SNCAIP: variants seen among roughly 807,000 people sequenced by gnomAD.
SNCAIP encodes synphilin-1.
SNCAIP carries 43 observed loss-of-function variants against 86.7 expected under a neutral mutation model. That is an observed-to-expected ratio of 0.50 (90% confidence interval 0.39 to 0.64). The LOEUF is 0.64. Ranked by LOEUF, SNCAIP falls within the 30% of genes least tolerant of loss-of-function variation. The pLI, the probability that SNCAIP is intolerant of heterozygous loss-of-function variation, is 0.00. For missense variants in SNCAIP, 981 were observed against 1,103.1 expected, an observed-to-expected ratio of 0.89 and a Z score of 1.57; for synonymous variants, 417 against 427.2, an observed-to-expected ratio of 0.98 and a Z score of 0.29.
chr5:122,340,929 A>G (rs1757448344), intron 1 of SNCAIP, among the ~76,000 whole-genome samples: 1 of 152,216 alleles, frequency 6.6e-6, no homozygotes. Flanking sequence ...ATAAATTAGC[A>G]TTAGTACCTT....
intron 1 of SNCAIP, among the ~76,000 whole-genome samples, chr5:122,387,112 C>T (rs890347854): frequency 6.6e-6 from 1 of 152,018 alleles, no homozygotes; most frequent in Admixed American, 6.5e-5. Flanking sequence ...CCAAAAGGGG[C>T]CTATGATGCA....
intron 10 of SNCAIP, among the ~76,000 whole-genome samples, chr5:122,452,670 C>G (rs56069869): frequency 0.013 from 1,929 of 152,210 alleles, 15 homozygotes; most frequent in Middle Eastern, 0.041. Flanking sequence ...TACTCGTGCC[C>G]AAAACACCAG....
chr5:122,451,744 C>T, intron 10 of SNCAIP, 143 bp downstream of exon 10: 1 of 646,632 alleles, frequency 1.5e-6, no homozygotes, highest in Non-Finnish European at 2.7e-6. Flanking sequence ...AAGCCAACTT[C>T]ATGTGTCTAA....
At chr5:122,329,214 T>C (rs908032745) in intron 1 of SNCAIP, among the ~76,000 whole-genome samples, 4 of 150,836 alleles carry the variant, frequency 2.7e-5, no homozygotes, top group Admixed American at 2.6e-4. Context: ...ATACATTATT[T>C]CCTTTAAAGG....
In SNCAIP at chr5:122,423,374, G is replaced by A. The variant is rs201152226; in HGVS notation, c.637G>A (p.Val213Met). Residue 213 changes from valine to methionine, a missense_variant, in exon 4 of 11, where the codon GTG becomes ATG. Transcript: ENST00000261368. ...GGCACCATTTTGTGTTCTTTCTCCC[G>A]TGAAAAGCCCTCACTTGAGAAAAGC... ...NMAPFCVLSP[V>M]KSPHLRKASA... The A allele has an allele frequency of 5.7e-5, 92 of 1,613,386 alleles. No homozygotes were observed. Among genetic ancestry groups the A allele is most frequent in the East Asian group, 4.5e-4 (20 of 44,890 alleles).
chr5:122,447,441 T>C (rs1032381540), intron 8 of SNCAIP, among the ~76,000 whole-genome samples: 4 of 152,206 alleles, frequency 2.6e-5, no homozygotes, highest in Non-Finnish European at 5.9e-5. Context: ...GAGAGTAGTC[T>C]TCCTTCTCCA....
At chr5:122,418,512 T>C (rs1464050913) in intron 3 of SNCAIP, among the ~76,000 whole-genome samples, 1 of 152,232 alleles carries the variant, frequency 6.6e-6, no homozygotes, top group Non-Finnish European at 1.5e-5. Context: ...AAGTTCATCA[T>C]TAAAATGAAT....
intron 2 of SNCAIP, among the ~76,000 whole-genome samples, chr5:122,392,399 ACTCTCT>A (rs142215304): frequency 2.8e-5 from 4 of 144,960 alleles, no homozygotes; most frequent in Non-Finnish European, 6.1e-5. Flanking sequence ...TCTGTCTGCC[ACTCTCT>A]CTCTCTCTCT....
At chr5:122,433,753 C>T (rs1406520650) in intron 6 of SNCAIP, among the ~76,000 whole-genome samples, 1 of 152,080 alleles carries the variant, frequency 6.6e-6, no homozygotes, top group African/African-American at 2.4e-5. Flanking sequence ...TCATTTTTTG[C>T]TTATGCAGAC....
chr5:122,398,834 C>T (rs1771174156), intron 2 of SNCAIP, among the ~76,000 whole-genome samples: 1 of 152,106 alleles, frequency 6.6e-6, no homozygotes, highest in Non-Finnish European at 1.5e-5. Context: ...CTGGGGTGGT[C>T]AGAGATCCCC....
At chr5:122,341,862 C>T (rs932497868) in intron 1 of SNCAIP, among the ~76,000 whole-genome samples, 5 of 152,136 alleles carry the variant, frequency 3.3e-5, no homozygotes, top group Non-Finnish European at 5.9e-5. Flanking sequence ...ATACTCCATC[C>T]CGAATTTAGA....
chr5:122,442,680 A>G (rs980064567), intron 7 of SNCAIP, among the ~76,000 whole-genome samples: 6 of 152,270 alleles, frequency 3.9e-5, no homozygotes, highest in African/African-American at 1.2e-4. Flanking sequence ...ATAGTCTTGA[A>G]ACAAACTTTT....
At chr5:122,334,928 T>C (rs1283895442) in intron 1 of SNCAIP, among the ~76,000 whole-genome samples, 1 of 152,176 alleles carries the variant, frequency 6.6e-6, no homozygotes, top group African/African-American at 2.4e-5. Flanking sequence ...ATTTGGGGAC[T>C]ACAGGTTTCA....
At chr5:122,380,048 G>T (rs1411773386) in intron 1 of SNCAIP, among the ~76,000 whole-genome samples, 7 of 151,678 alleles carry the variant, frequency 4.6e-5, no homozygotes, top group Admixed American at 2.6e-4. Context: ...AATGATGCTG[G>T]CCTCATAAAA....
At position 122,423,725 on chromosome 5, in the gene SNCAIP, C is replaced by T; in HGVS notation, c.988C>T (p.Gln330Ter). ...CATCTTGAACATTGTTAAAGAAGGA[C>T]AGATCTCTCTCCTGGTAAGTATAAT... ...KSILNIVKEG[Q>*]ISLLPHLAAD... is the part of the protein sequence containing the mutation. The change falls in exon 4 of 11, where the codon CAG becomes TAG. Residue 330 changes from glutamine to a stop codon, truncating the protein, a stop_gained. Coordinates refer to ENST00000261368, the MANE Select transcript of SNCAIP (RefSeq NM_005460.4). LOFTEE classifies it high-confidence loss of function. 1 of 1,600,808 alleles carries T rather than the reference C, an allele frequency of 6.2e-7. No individual in the cohort carries two copies. Among genetic ancestry groups the T allele is most frequent in the Non-Finnish European group, 8.5e-7 (1 of 1,179,576 alleles).
Position 122,444,751 on chromosome 5 carries a change from C to CT in SNCAIP, c.1592+19_1592+20insT. ...TAAAGGAGTAAGTGGCCTGTTGGTT[C>CT]CATGAGAACCAAGTCTAACTCATTA... On this transcript the variant is annotated intron_variant, in intron 8 of 10. Coordinates refer to ENST00000261368, the MANE Select transcript of SNCAIP (RefSeq NM_005460.4). 1 of 1,604,948 alleles carries CT rather than the reference C, an allele frequency of 6.2e-7. No homozygotes were observed. Among genetic ancestry groups the CT allele is most frequent in the Non-Finnish European group, 8.5e-7 (1 of 1,171,642 alleles).
intron 1 of SNCAIP, among the ~76,000 whole-genome samples, chr5:122,367,551 A>C (rs1026822482): frequency 6.6e-6 from 1 of 152,060 alleles, no homozygotes; most frequent in Non-Finnish European, 1.5e-5. Context: ...GTTTCTTTAG[A>C]GGATAGAGTA....
chr5:122,440,774 T>C lies in SNCAIP; in HGVS notation c.1422+20T>C, dbSNP rs1412544467. 3.7e-6 allele frequency: 6 copies of C among 1,611,856 alleles called. No homozygotes were observed. Among genetic ancestry groups the C allele is most frequent in the Non-Finnish European group, 5.1e-6 (6 of 1,177,912 alleles). On this transcript the variant is annotated intron_variant, in intron 7 of 10. Coordinates refer to ENST00000261368, the MANE Select transcript of SNCAIP (RefSeq NM_005460.4). ...ATACAGGTACACAGGCCCTGCTGTT[T>C]TGCAATGAGAAATGAGTATATCAAA...
Position 122,450,920 on chromosome 5 carries a change from C to T in SNCAIP, c.2073C>T (p.Thr691=). Reference sequence around the variant, plus strand: ...ACAACTCTGAGGACCCCAAGACTACCCCAGTGAGGAAGGCTGACCGACCAA... The same window carrying T: ...ACAACTCTGAGGACCCCAAGACTACTCCAGTGAGGAAGGCTGACCGACCAA... ...DSNNSEDPKT[T]PVRKADRPRP... The change falls in exon 10 of 11, where the codon ACC becomes ACT. Residue 691 remains threonine (T), a synonymous_variant. Transcript: ENST00000261368. 1 of 1,614,046 alleles carries T rather than the reference C, an allele frequency of 6.2e-7. No individual in the cohort carries two copies. The highest frequency in any genetic ancestry group is 8.5e-7 in the Non-Finnish European group (1 of 1,179,982).
Sources: gnomAD v4.1 joint callset for allele counts (sites outside exome capture counted in the v4.1 genomes callset) on GRCh38, gnomAD v4.1.1 for gene constraint, MANE v1.5 for transcripts, NCBI Gene and HGNC (gene_info 2026-07-23, HGNC 2026-07-21) for gene names.